PPP3CA: variants seen among roughly 807,000 people sequenced by gnomAD.
PPP3CA encodes CAM-PRP catalytic subunit.
PPP3CA carries 14 observed loss-of-function variants against 66.5 expected under a neutral mutation model. The ratio of observed to expected loss-of-function variants is 0.21; its 90% CI spans 0.14 to 0.33. PPP3CA has a LOEUF of 0.33. Among genes scored for constraint, PPP3CA ranks in the 10% least tolerant of loss-of-function variants. The probability of loss-of-function intolerance (pLI) is 1.00; values close to 1 mark genes in which losing one functional copy is unlikely to be tolerated. For synonymous variants in PPP3CA, 232 were observed against 226.2 expected, an observed-to-expected ratio of 1.03 and a Z score of -0.23; for missense variants, 317 against 639.5, an observed-to-expected ratio of 0.50 and a Z score of 5.44.
intron 11 of PPP3CA, among the ~76,000 whole-genome samples, chr4:101,038,834 T>C (rs1473757419): frequency 2.0e-5 from 3 of 152,220 alleles, no homozygotes; most frequent in Middle Eastern, 3.2e-3. Flanking sequence ...ATATGTGTTA[T>C]GGATGCTTTT....
In PPP3CA at chr4:101,347,317, C is replaced by T; in HGVS notation, c.-521G>A. 1 of 203,792 alleles carries T rather than the reference C, an allele frequency of 4.9e-6. No homozygotes were observed. The allele number at this position is 203,792 out of a possible 1,614,324, so 12.6% of individuals were successfully genotyped here. On this transcript the variant is annotated 5_prime_UTR_variant, in exon 1 of 14. Coordinates refer to ENST00000394854, the MANE Select transcript of PPP3CA (RefSeq NM_000944.5). ...GGCGTCCCCGGCGGCGGAGAGGCGGCCGCCGCTGCTGCCGCTGCTGCTGCC... is the reference window on the plus strand; with the variant it reads ...GGCGTCCCCGGCGGCGGAGAGGCGGTCGCCGCTGCTGCCGCTGCTGCTGCC...
intron 1 of PPP3CA, among the ~76,000 whole-genome samples, chr4:101,267,977 C>G (rs1178483160): frequency 6.6e-6 from 1 of 151,966 alleles, no homozygotes; most frequent in South Asian, 2.1e-4. Context: ...AATCAATATG[C>G]CTAACCAACA....
intron 5 of PPP3CA, among the ~76,000 whole-genome samples, chr4:101,095,125 T>C (rs1323461597): frequency 6.6e-6 from 1 of 152,150 alleles, no homozygotes; most frequent in Non-Finnish European, 1.5e-5. Flanking sequence ...ATTTCAACCA[T>C]TATGTTAGCC....
At chr4:101,133,260 C>A (rs750564368) in intron 2 of PPP3CA, among the ~76,000 whole-genome samples, 1 of 151,990 alleles carries the variant, frequency 6.6e-6, no homozygotes, top group Non-Finnish European at 1.5e-5. Context: ...GGCAGTCAGG[C>A]AAGAGAAAGA....
At chr4:101,043,031 T>C (rs1293018398) in intron 10 of PPP3CA, among the ~76,000 whole-genome samples, 1 of 152,090 alleles carries the variant, frequency 6.6e-6, no homozygotes, top group Admixed American at 6.6e-5. Context: ...ATAAACAATA[T>C]GGCCAGATCA....
intron 2 of PPP3CA, among the ~76,000 whole-genome samples, chr4:101,151,324 G>T (rs1189324810): frequency 6.6e-6 from 1 of 152,054 alleles, no homozygotes; most frequent in Non-Finnish European, 1.5e-5. Context: ...CAGCACTTTG[G>T]GAGGCCGTGG....
chr4:101,105,642 T>C (rs1457860626), intron 3 of PPP3CA, among the ~76,000 whole-genome samples: 4 of 152,098 alleles, frequency 2.6e-5, no homozygotes, highest in African/African-American at 9.7e-5. Flanking sequence ...TATCCAAAGA[T>C]GGAGTTGGTG....
chr4:101,080,677 T>C, intron 7 of PPP3CA, 51 bp from the exon 8 acceptor site: 7 of 1,125,306 alleles, frequency 6.2e-6, no homozygotes, highest in Non-Finnish European at 8.7e-6. Context: ...AAAAAGATAA[T>C]ATCAAATCAT....
intron 1 of PPP3CA, among the ~76,000 whole-genome samples, chr4:101,336,092 G>A (rs1307173565): frequency 6.6e-6 from 1 of 151,952 alleles, no homozygotes; most frequent in Non-Finnish European, 1.5e-5. Context: ...GCAAATGCCT[G>A]TAGTCCCAGC....
At chr4:101,271,234 T>C (rs547437594) in intron 1 of PPP3CA, among the ~76,000 whole-genome samples, 7 of 152,278 alleles carry the variant, frequency 4.6e-5, no homozygotes, top group African/African-American at 1.4e-4. Context: ...AATAAACTCA[T>C]GACACATACT....
intron 6 of PPP3CA, among the ~76,000 whole-genome samples, chr4:101,085,427 T>C (rs1254867211): frequency 1.3e-5 from 2 of 152,222 alleles, no homozygotes; most frequent in Non-Finnish European, 2.9e-5. Flanking sequence ...TACCCTTATG[T>C]GTTTAAGCTA....
chr4:101,193,148 T>C (rs1724663354), intron 2 of PPP3CA, among the ~76,000 whole-genome samples: 1 of 152,222 alleles, frequency 6.6e-6, no homozygotes, highest in Non-Finnish European at 1.5e-5. Flanking sequence ...TTCCATTTTT[T>C]CCTGTTATAT....
intron 2 of PPP3CA, among the ~76,000 whole-genome samples, chr4:101,157,072 C>G (rs759782250): frequency 6.6e-6 from 1 of 152,160 alleles, no homozygotes; most frequent in Admixed American, 6.5e-5. Context: ...TTCTAAGGCA[C>G]AGAGTTATGA....
At chr4:101,123,526 G>T (rs562915947) in intron 2 of PPP3CA, among the ~76,000 whole-genome samples, 1 of 152,148 alleles carries the variant, frequency 6.6e-6, no homozygotes, top group Non-Finnish European at 1.5e-5. Context: ...AAGATATGAC[G>T]CTGTAAAGAT....
rs538684296 is a variant in PPP3CA at position 101,193,038 on chromosome 4, A to T, written c.259+2878T>A. On this transcript the variant is annotated intron_variant, in intron 2 of 13. Coordinates refer to ENST00000394854, the MANE Select transcript of PPP3CA (RefSeq NM_000944.5). ...AACACATTTTGGTTTTAAATTAGCTATATCCACTTGGATACTTCCTAATTT... is the reference window on the plus strand; with the variant it reads ...AACACATTTTGGTTTTAAATTAGCTTTATCCACTTGGATACTTCCTAATTT... 8.5e-5 allele frequency among the ~76,000 whole-genome samples: 13 copies of T among 152,362 alleles called. No individual in the cohort carries two copies. The East Asian group carries it at 2.5e-3, about 29-fold the overall frequency.
intron 1 of PPP3CA, among the ~76,000 whole-genome samples, chr4:101,280,926 T>C (rs1205263040): frequency 2.0e-5 from 3 of 150,794 alleles, no homozygotes; most frequent in Non-Finnish European, 4.4e-5. Context: ...GGCATTCCAA[T>C]GGTTAAATGG....
chr4:101,073,701 T>C lies in PPP3CA; in HGVS notation c.955+6831A>G, dbSNP rs1578421658. Among the ~76,000 whole-genome samples, 8 of 152,320 alleles carry C rather than the reference T, an allele frequency of 5.3e-5. 2 individuals carry two copies. The highest frequency in any genetic ancestry group is 5.2e-4 in the Admixed American group (8 of 15,294). Reference sequence around the variant, plus strand: ...CTTAATAATCATTAAGAATAAATTATCTTCTAGTGTGTATGATTCTATCAT... The same window carrying C: ...CTTAATAATCATTAAGAATAAATTACCTTCTAGTGTGTATGATTCTATCAT... On this transcript the variant is annotated intron_variant, in intron 8 of 13. Coordinates refer to ENST00000394854, the MANE Select transcript of PPP3CA (RefSeq NM_000944.5).
intron 1 of PPP3CA, among the ~76,000 whole-genome samples, chr4:101,287,550 T>A (rs777234449): frequency 5.3e-5 from 8 of 152,126 alleles, no homozygotes; most frequent in Non-Finnish European, 8.8e-5. Flanking sequence ...GGCATGTGAG[T>A]GTGAAGTTCA....
At chr4:101,138,984 A>G (rs1212220579) in intron 2 of PPP3CA, among the ~76,000 whole-genome samples, 1 of 152,230 alleles carries the variant, frequency 6.6e-6, no homozygotes, top group Non-Finnish European at 1.5e-5. Context: ...ACATTCACAT[A>G]TACTATTTTC....
Sources: gnomAD v4.1 joint callset for allele counts (sites outside exome capture counted in the v4.1 genomes callset) on GRCh38, gnomAD v4.1.1 for gene constraint, MANE v1.5 for transcripts, NCBI Gene and HGNC (gene_info 2026-07-23, HGNC 2026-07-21) for gene names.